Variants in AK5 observed in about 807,000 individuals in gnomAD.
AK5 encodes the protein adenylate kinase 5.
AK5 carries 27 observed loss-of-function variants against 69.5 expected under a neutral mutation model. That is an observed-to-expected ratio of 0.39 (90% CI 0.29 to 0.54). The LOEUF (loss-of-function observed/expected upper bound fraction) is 0.54, where lower values mean the gene tolerates loss of function less well. Among genes scored for constraint, AK5 ranks in the 20% least tolerant of loss-of-function variants. AK5 has a pLI of 0.71. For missense variants in AK5, 531 were observed against 700.4 expected (o/e 0.76, Z 2.73); for synonymous variants, 260 against 244.4 (o/e 1.06, Z -0.60).
At chr1:77,449,168 C>G (rs1305011393) in intron 8 of AK5, among the ~76,000 whole-genome samples, 1 of 152,166 alleles carries the variant, frequency 6.6e-6, no homozygotes, top group Admixed American at 6.5e-5. Flanking sequence ...ACAGTTAGCA[C>G]CATGCACCTG....
At chr1:77,436,178 A>C (rs995417113) in intron 8 of AK5, among the ~76,000 whole-genome samples, 13 of 152,076 alleles carry the variant, frequency 8.5e-5, no homozygotes, top group African/African-American at 2.9e-4. Context: ...TCTTGTTTCT[A>C]TTTCCTTTCT....
intron 6 of AK5, among the ~76,000 whole-genome samples, chr1:77,403,032 T>C (rs1649345707): frequency 6.6e-6 from 1 of 152,190 alleles, no homozygotes; most frequent in African/African-American, 2.4e-5. Context: ...TGATTTTCAT[T>C]TCTCTGATGG....
intron 10 of AK5, among the ~76,000 whole-genome samples, chr1:77,486,596 G>A (rs2100729087): frequency 6.6e-6 from 1 of 151,960 alleles, no homozygotes; most frequent in South Asian, 2.1e-4. Context: ...TACTCGGGAG[G>A]CTGAGGCAGG....
In AK5 at chr1:77,405,952, A is replaced by C. The variant is rs1040297958; in HGVS notation, c.892-5029A>C. Among the ~76,000 whole-genome samples, 7 of 152,284 alleles carry C rather than the reference A, an allele frequency of 4.6e-5. No homozygotes were observed. In the East Asian group the frequency reaches 1.3e-3, roughly 29 times the overall value. On this transcript the variant is annotated intron_variant, in intron 6 of 13. Transcript: ENST00000354567. Reference sequence around the variant, plus strand: ...CACACACTTAAAATGTTAACTTGGAAGTTTTGCCTTAGTTTCCATTTTCTA... The same window carrying C: ...CACACACTTAAAATGTTAACTTGGACGTTTTGCCTTAGTTTCCATTTTCTA...
At chr1:77,368,447 T>C (rs1647059981) in intron 6 of AK5, among the ~76,000 whole-genome samples, 1 of 148,936 alleles carries the variant, frequency 6.7e-6, no homozygotes, top group Non-Finnish European at 1.5e-5. Context: ...AAACAAGGTT[T>C]GTGTACATTG....
intron 8 of AK5, among the ~76,000 whole-genome samples, chr1:77,459,136 G>A (rs1332700791): frequency 6.6e-6 from 1 of 152,088 alleles, no homozygotes; most frequent in African/African-American, 2.4e-5. Flanking sequence ...TGTGGAAAAT[G>A]TCCACATCAC....
chr1:77,475,406 T>TAC, intron 8 of AK5, among the ~76,000 whole-genome samples: 1 of 70,516 alleles, frequency 1.4e-5, no homozygotes, highest in South Asian at 4.6e-4. Flanking sequence ...ATAATATATA[T>TAC]GTATATATAT....
intron 8 of AK5, among the ~76,000 whole-genome samples, chr1:77,423,394 C>T (rs1007189339): frequency 2.0e-5 from 3 of 152,030 alleles, no homozygotes; most frequent in African/African-American, 7.3e-5. Flanking sequence ...TCTTCTTCAA[C>T]TAAGTGAATG....
chr1:77,472,539 A>G (rs1654579034), intron 8 of AK5, among the ~76,000 whole-genome samples: 1 of 150,998 alleles, frequency 6.6e-6, no homozygotes, highest in South Asian at 2.1e-4. Context: ...AGGATCTGGC[A>G]TTTTCTGCAT....
At chr1:77,459,001 G>A (rs1653667168) in intron 8 of AK5, among the ~76,000 whole-genome samples, 1 of 152,150 alleles carries the variant, frequency 6.6e-6, no homozygotes, top group Non-Finnish European at 1.5e-5. Flanking sequence ...CTGGCTGTTG[G>A]TTCCTCACTG....
At chr1:77,439,738 A>G (rs1490846944) in intron 8 of AK5, among the ~76,000 whole-genome samples, 14 of 151,950 alleles carry the variant, frequency 9.2e-5, no homozygotes, top group Non-Finnish European at 1.5e-4. Context: ...TTTATATAAA[A>G]TTTGGCCATA....
intron 8 of AK5, among the ~76,000 whole-genome samples, chr1:77,445,892 C>G (rs898206435): frequency 1.3e-5 from 2 of 152,154 alleles, no homozygotes; most frequent in African/African-American, 4.8e-5. Flanking sequence ...GTCAGCCTTT[C>G]CTATTTTTTA....
At chr1:77,539,393 C>A (rs1282043073) in intron 13 of AK5, among the ~76,000 whole-genome samples, 1 of 152,180 alleles carries the variant, frequency 6.6e-6, no homozygotes, top group Non-Finnish European at 1.5e-5. Flanking sequence ...AAAACCTCTC[C>A]AGCCCGGACT....
At chr1:77,423,967 C>T (rs1651022623) in intron 8 of AK5, among the ~76,000 whole-genome samples, 2 of 152,202 alleles carry the variant, frequency 1.3e-5, no homozygotes. Flanking sequence ...GCCATCCTGT[C>T]CCACCCAAAG....
At chr1:77,368,245 A>ATATATATATGT (rs376578923) in intron 6 of AK5, among the ~76,000 whole-genome samples, 64 of 67,900 alleles carry the variant, frequency 9.4e-4, no homozygotes, top group Non-Finnish European at 1.6e-3. Flanking sequence ...ATATATATAT[A>ATATATATATGT]TATATATAAT....
chr1:77,452,590 C>T (rs72934312), intron 8 of AK5, among the ~76,000 whole-genome samples: 321 of 152,258 alleles, frequency 2.1e-3, no homozygotes, highest in Middle Eastern at 6.8e-3. Flanking sequence ...TCCAAAATGC[C>T]AGTCACCTAT....
In AK5 at chr1:77,392,904, G is replaced by A. The variant is rs188374957; in HGVS notation, c.892-18077G>A. Among the ~76,000 whole-genome samples, 17 of 151,900 alleles carry A rather than the reference G, an allele frequency of 1.1e-4. No individual in the cohort carries two copies. The East Asian group carries it at 2.3e-3, about 21-fold the overall frequency. On this transcript the variant is annotated intron_variant, in intron 6 of 13. Coordinates refer to ENST00000354567, the MANE Select transcript of AK5 (RefSeq NM_174858.3). Reference sequence around the variant, plus strand: ...CCCTTCCAACCAGGACATAGTAGTGGGATTTCCTTTAAAATATTTTATTTA... The same window carrying A: ...CCCTTCCAACCAGGACATAGTAGTGAGATTTCCTTTAAAATATTTTATTTA...
At chr1:77,307,215 T>C (rs999240333) in intron 5 of AK5, among the ~76,000 whole-genome samples, 1 of 151,858 alleles carries the variant, frequency 6.6e-6, no homozygotes, top group Non-Finnish European at 1.5e-5. Flanking sequence ...CTTTCCTGTT[T>C]TTTGATGTAG....
At chr1:77,527,788 G>A (rs1230893529) in intron 12 of AK5, among the ~76,000 whole-genome samples, 3 of 152,190 alleles carry the variant, frequency 2.0e-5, no homozygotes, top group Admixed American at 6.5e-5. Context: ...GGCCGGGCAC[G>A]GTGGCTCACG....
Sources: allele counts gnomAD v4.1 joint callset (sites outside exome capture counted in the v4.1 genomes callset), GRCh38; gene constraint gnomAD v4.1.1; transcripts MANE v1.5; gene names NCBI Gene and HGNC (gene_info 2026-07-23, HGNC 2026-07-21).